Variants in TBC1D5 observed in about 807,000 individuals in gnomAD.
TBC1D5 encodes the protein TBC1 domain family, member 5.
Under a neutral mutation model 100.3 loss-of-function variants are expected in TBC1D5, and 75 were observed. The observed-to-expected ratio is 0.75, with a 90% CI of 0.62 to 0.91. The LOEUF (loss-of-function observed/expected upper bound fraction) is 0.91, where lower values mean the gene tolerates loss of function less well. Ranked by LOEUF, TBC1D5 falls within the 40% of genes least tolerant of loss-of-function variation. The probability of loss-of-function intolerance (pLI) is 0.00; values close to 1 mark genes in which losing one functional copy is unlikely to be tolerated. For synonymous variants in TBC1D5, 323 were observed against 325.6 expected, an observed-to-expected ratio of 0.99 and a Z score of 0.09; for missense variants, 910 against 942.4, an observed-to-expected ratio of 0.97 and a Z score of 0.45.
In TBC1D5 at chr3:17,633,492, T is replaced by C. The variant is rs142704878; in HGVS notation, c.-100-9579A>G. On this transcript the variant is annotated intron_variant, in intron 1 of 21. Transcript: ENST00000253692. ...ATTTAGGTCAGAGAATATGTTTCCA[T>C]AGAACAGGTAAATGTTCTACTTAGG... Among the ~76,000 whole-genome samples the C allele has an allele frequency of 2.5e-3, 384 of 152,158 alleles. 2 individuals are homozygous for C. Among genetic ancestry groups the C allele is most frequent in the Non-Finnish European group, 4.3e-3 (294 of 67,998 alleles).
intron 7 of TBC1D5, among the ~76,000 whole-genome samples, chr3:17,404,119 G>A (rs73156390): frequency 0.091 from 13,872 of 152,052 alleles, 1,426 homozygotes; most frequent in African/African-American, 0.26. Flanking sequence ...TGGGAAAGAG[G>A]AATGCTAACA....
intron 2 of TBC1D5, among the ~76,000 whole-genome samples, chr3:17,599,725 T>C (rs73165764): frequency 0.072 from 10,887 of 152,176 alleles, 793 homozygotes; most frequent in African/African-American, 0.19. Flanking sequence ...AAGTGCTCAC[T>C]CCAGCTCTGG....
At chr3:17,380,085 GTGTGTA>G (rs1185867252) in intron 9 of TBC1D5, among the ~76,000 whole-genome samples, 5 of 148,148 alleles carry the variant, frequency 3.4e-5, no homozygotes, top group African/African-American at 7.5e-5. Context: ...GTGTGTGTGT[GTGTGTA>G]TACACATCCA....
At chr3:17,233,137 CT>C (rs1409011579) in intron 17 of TBC1D5, among the ~76,000 whole-genome samples, 1 of 152,052 alleles carries the variant, frequency 6.6e-6, no homozygotes, top group East Asian at 1.9e-4. Flanking sequence ...TTTAAACATT[CT>C]TTTTTTAAAA....
intron 14 of TBC1D5, among the ~76,000 whole-genome samples, chr3:17,303,668 C>T (rs892529962): frequency 1.3e-5 from 2 of 152,140 alleles, no homozygotes; most frequent in Non-Finnish European, 2.9e-5. Flanking sequence ...TGCTCTACCT[C>T]ACCCAATTCT....
chr3:17,418,601 T>C (rs777834082), intron 4 of TBC1D5, among the ~76,000 whole-genome samples: 16 of 136,568 alleles, frequency 1.2e-4, no homozygotes, highest in Non-Finnish European at 2.4e-4. Flanking sequence ...CCCCATCTAA[T>C]AAAAAAAAAA....
intron 1 of TBC1D5, among the ~76,000 whole-genome samples, chr3:17,674,150 C>T (rs1383819764): frequency 6.6e-6 from 1 of 151,924 alleles, no homozygotes; most frequent in Admixed American, 6.6e-5. Flanking sequence ...TCAATTGAAA[C>T]CGTAAAGAAA....
chr3:17,450,383 G>A (rs2149702878), intron 3 of TBC1D5, among the ~76,000 whole-genome samples: 1 of 152,274 alleles, frequency 6.6e-6, no homozygotes, highest in South Asian at 2.1e-4. Flanking sequence ...CAGAGAATGA[G>A]TTTGATGAAT....
intron 1 of TBC1D5, among the ~76,000 whole-genome samples, chr3:17,653,472 C>G (rs914747588): frequency 2.6e-5 from 4 of 151,852 alleles, no homozygotes; most frequent in Admixed American, 6.6e-5. Flanking sequence ...CAGACAAGGC[C>G]AAATTGAGGG....
At chr3:17,606,025 C>A (rs762085630) in intron 2 of TBC1D5, among the ~76,000 whole-genome samples, 1 of 152,142 alleles carries the variant, frequency 6.6e-6, no homozygotes, top group African/African-American at 2.4e-5. Context: ...TAGACTAGAA[C>A]GCAAATAAAG....
intron 1 of TBC1D5, among the ~76,000 whole-genome samples, chr3:17,641,111 T>C (rs1012143930): frequency 6.6e-6 from 1 of 152,160 alleles, no homozygotes. Context: ...GGAAAATTTT[T>C]AAAACAATCC....
intron 12 of TBC1D5, 132 bp from the exon 13 acceptor site, chr3:17,372,379 G>A: frequency 2.7e-6 from 2 of 748,552 alleles, no homozygotes; most frequent in Non-Finnish European, 3.9e-6. Flanking sequence ...AAAAAAAGGT[G>A]AGAGCACCAT....
intron 2 of TBC1D5, among the ~76,000 whole-genome samples, chr3:17,620,349 C>T (rs993450927): frequency 2.0e-5 from 3 of 152,130 alleles, no homozygotes; most frequent in African/African-American, 7.2e-5. Context: ...TGTAAAACTA[C>T]GAAAGTAAGT....
intron 2 of TBC1D5, among the ~76,000 whole-genome samples, chr3:17,546,259 A>C (rs2096413704): frequency 6.6e-6 from 1 of 152,160 alleles, no homozygotes; most frequent in South Asian, 2.1e-4. Flanking sequence ...TAGAAATCCT[A>C]TCTAAGATTC....
chr3:17,626,744 A>C (rs987739844), intron 1 of TBC1D5, among the ~76,000 whole-genome samples: 2 of 152,198 alleles, frequency 1.3e-5, no homozygotes, highest in Non-Finnish European at 2.9e-5. Flanking sequence ...AAATGCAGAA[A>C]AGACACAAAA....
chr3:17,373,731 A>AGCAT (rs2092578981), intron 12 of TBC1D5, among the ~76,000 whole-genome samples: 1 of 152,132 alleles, frequency 6.6e-6, no homozygotes, highest in Admixed American at 6.6e-5. Context: ...CACTATGCTA[A>AGCAT]GTGAAAGGAG....
At chr3:17,308,376 C>T (rs921728790) in intron 13 of TBC1D5, among the ~76,000 whole-genome samples, 1 of 151,882 alleles carries the variant, frequency 6.6e-6, no homozygotes, top group African/African-American at 2.4e-5. Context: ...TGAAAAAAGT[C>T]AAAATCTTTC....
intron 3 of TBC1D5, among the ~76,000 whole-genome samples, chr3:17,503,222 A>C (rs1272914315): frequency 6.7e-6 from 1 of 149,680 alleles, no homozygotes; most frequent in Non-Finnish European, 1.5e-5. Context: ...TGTTTAGCAG[A>C]GGGCAAGCTC....
At chr3:17,700,666 G>A (rs542263973) in intron 1 of TBC1D5, among the ~76,000 whole-genome samples, 54 of 152,170 alleles carry the variant, frequency 3.5e-4, no homozygotes, top group Admixed American at 1.1e-3. Flanking sequence ...AAAAGTGGGC[G>A]AAGGATATGA....
Sources: allele counts gnomAD v4.1 joint callset (sites outside exome capture counted in the v4.1 genomes callset), GRCh38; gene constraint gnomAD v4.1.1; transcripts MANE v1.5; gene names NCBI Gene and HGNC (gene_info 2026-07-23, HGNC 2026-07-21).